Variants in GALNTL6 observed in about 807,000 individuals in gnomAD.
GALNTL6 encodes the protein polypeptide N-acetylgalactosaminyltransferase like 6, also known as polypeptide N-acetylgalactosaminyltransferase-like 6.
In GALNTL6, 46 loss-of-function variants were observed where a neutral mutation model predicts 73.7. That is an observed-to-expected ratio of 0.62 (90% CI 0.49 to 0.80). The LOEUF is 0.80. GALNTL6 is among the 30% of genes least tolerant of loss of function. GALNTL6 has a pLI of 0.00. For synonymous variants in GALNTL6, 259 were observed against 263.7 expected, an observed-to-expected ratio of 0.98 and a Z score of 0.17; for missense variants, 604 against 755.0, an observed-to-expected ratio of 0.80 and a Z score of 2.34.
chr4:172,542,367 A>G (rs1186009087), intron 5 of GALNTL6, among the ~76,000 whole-genome samples: 1 of 152,082 alleles, frequency 6.6e-6, no homozygotes, highest in African/African-American at 2.4e-5. Context: ...TCACCCGTGC[A>G]AGCTCCCAGC....
At chr4:172,629,832 A>G (rs1739320897) in intron 5 of GALNTL6, among the ~76,000 whole-genome samples, 1 of 152,214 alleles carries the variant, frequency 6.6e-6, no homozygotes, top group South Asian at 2.1e-4. Flanking sequence ...TGTATTTATT[A>G]TGACACCCTA....
chr4:172,159,415 G>A (rs557765147), intron 2 of GALNTL6, among the ~76,000 whole-genome samples: 192 of 152,152 alleles, frequency 1.3e-3, no homozygotes, highest in Non-Finnish European at 2.5e-3. Flanking sequence ...TGTATTAGAT[G>A]TTTTGAAAGA....
intron 5 of GALNTL6, among the ~76,000 whole-genome samples, chr4:172,408,903 A>C (rs560780899): frequency 6.6e-6 from 1 of 152,212 alleles, no homozygotes; most frequent in East Asian, 1.9e-4. Flanking sequence ...CTGAACAGTG[A>C]AATGCATCAA....
At chr4:172,526,447 C>T (rs182338671) in intron 5 of GALNTL6, among the ~76,000 whole-genome samples, 42 of 152,244 alleles carry the variant, frequency 2.8e-4, no homozygotes, top group African/African-American at 9.4e-4. Flanking sequence ...AGTAGCAGAG[C>T]TCAAGTCAAG....
At chr4:172,470,297 G>A (rs1360622834) in intron 5 of GALNTL6, among the ~76,000 whole-genome samples, 1 of 152,112 alleles carries the variant, frequency 6.6e-6, no homozygotes, top group Non-Finnish European at 1.5e-5. Context: ...AAACCAACTG[G>A]ACTCCAAAGG....
intron 3 of GALNTL6, among the ~76,000 whole-genome samples, chr4:172,262,478 C>G (rs7655888): frequency 0.064 from 9,652 of 151,380 alleles, 356 homozygotes; most frequent in South Asian, 0.087. Context: ...TGTGGAATAT[C>G]TTTTTCCACC....
chr4:172,395,293 T>C (rs1743809929), intron 5 of GALNTL6, among the ~76,000 whole-genome samples: 2 of 152,210 alleles, frequency 1.3e-5, no homozygotes, highest in Non-Finnish European at 2.9e-5. Flanking sequence ...ATTACTTTTG[T>C]ATTTATGGAC....
chr4:172,577,102 C>A (rs866916841), intron 5 of GALNTL6, among the ~76,000 whole-genome samples: 1 of 152,148 alleles, frequency 6.6e-6, no homozygotes, highest in African/African-American at 2.4e-5. Flanking sequence ...CTGGTCTCCA[C>A]TAGAGCCCAT....
chr4:172,076,717 C>T (rs900177034), intron 2 of GALNTL6, among the ~76,000 whole-genome samples: 1 of 152,100 alleles, frequency 6.6e-6, no homozygotes, highest in African/African-American at 2.4e-5. Flanking sequence ...AAGTAAAGCT[C>T]ATAAAGATAT....
At chr4:172,537,238 G>T (rs935877000) in intron 5 of GALNTL6, among the ~76,000 whole-genome samples, 1 of 152,212 alleles carries the variant, frequency 6.6e-6, no homozygotes, top group African/African-American at 2.4e-5. Context: ...GGAGGGGCCA[G>T]GGTGGAATGA....
In GALNTL6 at chr4:172,670,055, T is replaced by A. The variant is rs142013974; in HGVS notation, c.554-139306T>A. On this transcript the variant is annotated intron_variant, in intron 5 of 12. Coordinates refer to ENST00000506823, the MANE Select transcript of GALNTL6 (RefSeq NM_001034845.3). ...TGGTGTATATATACTACATTTTCTT[T>A]ACGCAGTTTATCATTGATGGGCATT... 1.9e-3 allele frequency among the ~76,000 whole-genome samples: 283 copies of A among 152,356 alleles called. 2 individuals are homozygous for A. Among genetic ancestry groups the A allele is most frequent in the African/African-American group, 6.6e-3 (273 of 41,592 alleles).
intron 8 of GALNTL6, among the ~76,000 whole-genome samples, chr4:172,896,059 A>T (rs747719244): frequency 4.6e-5 from 7 of 152,150 alleles, no homozygotes; most frequent in Non-Finnish European, 1.0e-4. Flanking sequence ...CTTCCTCAAG[A>T]CAGCTATTTT....
chr4:171,833,069 T>C (rs1048927288), intron 2 of GALNTL6, among the ~76,000 whole-genome samples: 4 of 151,728 alleles, frequency 2.6e-5, no homozygotes, highest in Non-Finnish European at 5.9e-5. Context: ...CTAAGGCCTG[T>C]TTCACGTGTG....
intron 7 of GALNTL6, among the ~76,000 whole-genome samples, chr4:172,871,593 G>GT (rs1561004816): frequency 8.0e-6 from 1 of 124,612 alleles, no homozygotes; most frequent in Admixed American, 9.3e-5. Context: ...GACTCTGGGG[G>GT]GGGTGTGTGT....
intron 5 of GALNTL6, among the ~76,000 whole-genome samples, chr4:172,573,067 T>G (rs1420792737): frequency 6.6e-6 from 1 of 152,170 alleles, no homozygotes; most frequent in Non-Finnish European, 1.5e-5. Context: ...ATAATTACTG[T>G]AAGTGTTTAC....
chr4:172,731,934 G>T (rs1422429645), intron 5 of GALNTL6, among the ~76,000 whole-genome samples: 2 of 151,952 alleles, frequency 1.3e-5, no homozygotes, highest in Admixed American at 6.6e-5. Context: ...TTCAGAATTT[G>T]CACAGGCTTG....
intron 5 of GALNTL6, among the ~76,000 whole-genome samples, chr4:172,699,948 T>C (rs1290730960): frequency 1.3e-5 from 2 of 152,174 alleles, no homozygotes; most frequent in African/African-American, 4.8e-5. Context: ...TCAAGTGAGT[T>C]CAAGTCTCTT....
At chr4:172,092,310 G>T (rs1387250222) in intron 2 of GALNTL6, among the ~76,000 whole-genome samples, 1 of 151,936 alleles carries the variant, frequency 6.6e-6, no homozygotes, top group Admixed American at 6.6e-5. Context: ...AAAATTTTAA[G>T]AATCTCAAAC....
intron 9 of GALNTL6, among the ~76,000 whole-genome samples, chr4:172,948,855 C>G (rs77413410): frequency 0.022 from 3,412 of 152,152 alleles, 137 homozygotes; most frequent in African/African-American, 0.078. Context: ...GGTTAGTTCC[C>G]TAGTTAACTA....
Sources: gnomAD v4.1 joint callset for allele counts (sites outside exome capture counted in the v4.1 genomes callset) on GRCh38, gnomAD v4.1.1 for gene constraint, MANE v1.5 for transcripts, NCBI Gene and HGNC (gene_info 2026-07-23, HGNC 2026-07-21) for gene names.